Variants in EPHX2 observed in about 807,000 individuals in gnomAD.
The protein encoded by EPHX2 is bifunctional epoxide hydrolase 2.
A neutral mutation model predicts 78.7 loss-of-function variants in EPHX2; 74 were observed. The observed-to-expected ratio is 0.94, with a 90% CI of 0.78 to 1.14. The LOEUF (loss-of-function observed/expected upper bound fraction) is 1.14, where lower values mean the gene tolerates loss of function less well. Ranked by LOEUF, EPHX2 falls within the 50% of genes most tolerant of loss-of-function variation. EPHX2 has a pLI of 0.00. For missense variants in EPHX2, 715 were observed against 702.5 expected (o/e 1.02, Z -0.20); for synonymous variants, 251 against 255.2 (o/e 0.98, Z 0.16).
intron 2 of EPHX2, among the ~76,000 whole-genome samples, chr8:27,501,381 C>CT (rs1488695228): frequency 2.1e-4 from 24 of 113,276 alleles, no homozygotes; most frequent in African/African-American, 4.2e-4. Flanking sequence ...TCTTCTTCTT[C>CT]TTCTTCTTCT....
At position 27,491,186 on chromosome 8, in the gene EPHX2, T is replaced by G; in HGVS notation, c.-23T>G. On this transcript the variant is annotated 5_prime_UTR_variant, in exon 1 of 19. Transcript: ENST00000521400. The stretch of plus-strand genomic sequence containing the variant: ...CTCCCAGGTTAGCTGCGTGTCCGGG[T>G]GCTAGGCTGCAGACCCGCCGCCATG... The G allele has an allele frequency of 2.6e-6, 4 of 1,560,434 alleles. No individual in the cohort carries two copies. In the South Asian group the frequency reaches 3.5e-5, roughly 14 times the overall value.
intron 12 of EPHX2, among the ~76,000 whole-genome samples, chr8:27,531,628 C>T (rs1815044762): frequency 1.3e-5 from 2 of 152,222 alleles, no homozygotes; most frequent in African/African-American, 4.8e-5. Flanking sequence ...TTCACCTCCA[C>T]TCCTGGATGG....
intron 1 of EPHX2, among the ~76,000 whole-genome samples, chr8:27,497,152 C>T (rs1004952650): frequency 2.0e-5 from 3 of 152,106 alleles, no homozygotes; most frequent in Non-Finnish European, 4.4e-5. Flanking sequence ...ATTTCCTGGC[C>T]CTCAATGGTT....
chr8:27,543,966 A>ACTGTCCCC (rs1450520087), intron 17 of EPHX2, 137 bp downstream of exon 17: 17 of 1,004,288 alleles, frequency 1.7e-5, no homozygotes, highest in Non-Finnish European at 2.6e-5. Flanking sequence ...CAGTAACATC[A>ACTGTCCCC]CTGTCCCCCC....
chr8:27,544,138 C>A (rs1815505744), intron 17 of EPHX2, 48 bp from the exon 18 acceptor site: 2 of 1,605,652 alleles, frequency 1.2e-6, no homozygotes, highest in Non-Finnish European at 8.5e-7. Context: ...TAGAGACACA[C>A]CCATCTGCCT....
chr8:27,501,403 T>C (rs1411544945), intron 2 of EPHX2, among the ~76,000 whole-genome samples: 8,352 of 139,156 alleles, frequency 0.06, 470 homozygotes, highest in Non-Finnish European at 0.072. Context: ...CTTTCTTCTT[T>C]CTTCTTTCTT....
At position 27,541,518 on chromosome 8, in the gene EPHX2, G is replaced by T; in HGVS notation, c.1425G>T (p.Trp475Cys). The change falls in exon 16 of 19, where the codon TGG (tryptophan) becomes TGT (cysteine). Residue 475 changes from tryptophan (W) to cysteine (C), a missense_variant. Coordinates refer to ENST00000521400, the MANE Select transcript of EPHX2 (RefSeq NM_001979.6). ...WYRNMERNWK[W>C]ACKSLGRKIL... ...GAAACATGGAAAGGAACTGGAAGTG[G>T]GCTTGCAAAAGCTTGGGACGGAAGG... is the stretch of plus-strand genomic sequence containing the variant. The T allele has an allele frequency of 6.2e-7, 1 of 1,614,244 alleles. No individual in the cohort carries two copies. Among genetic ancestry groups the T allele is most frequent in the Non-Finnish European group, 8.5e-7 (1 of 1,180,040 alleles).
intron 2 of EPHX2, among the ~76,000 whole-genome samples, chr8:27,501,705 G>A (rs984959535): frequency 2.6e-5 from 4 of 152,026 alleles, no homozygotes; most frequent in Admixed American, 6.6e-5. Flanking sequence ...GAGCCACCAT[G>A]CCCAGCCTAT....
Position 27,525,428 on chromosome 8 carries a change from C to T in EPHX2, c.1125C>T (p.Ile375=), listed in dbSNP as rs144164948. 3 of 1,614,170 alleles carry T rather than the reference C, an allele frequency of 1.9e-6. No homozygotes were observed. The highest frequency in any genetic ancestry group is 2.5e-6 in the Non-Finnish European group (3 of 1,180,032). The change falls in exon 12 of 19, where the codon ATC becomes ATT. Residue 375 remains isoleucine, a synonymous_variant. Coordinates refer to ENST00000521400, the MANE Select transcript of EPHX2 (RefSeq NM_001979.6). ...ANPNMSPLES[I]KANPVFDYQL... is the part of the protein sequence containing the mutation. ...CCAACATGTCCCCTTTGGAGAGTAT[C>T]AAAGCCAACCCAGTATTTGATTACC...
chr8:27,495,070 T>G (rs1241119021), intron 1 of EPHX2, among the ~76,000 whole-genome samples: 2 of 152,270 alleles, frequency 1.3e-5, no homozygotes, highest in Non-Finnish European at 2.9e-5. Flanking sequence ...TTGATGGCTT[T>G]GGCAGTGTAA....
chr8:27,529,332 G>A (rs553519761), intron 12 of EPHX2, among the ~76,000 whole-genome samples: 77 of 152,326 alleles, frequency 5.1e-4, no homozygotes, highest in African/African-American at 1.8e-3. Flanking sequence ...CTCTGGCAGC[G>A]AAGGCCAGTG....
intron 10 of EPHX2, among the ~76,000 whole-genome samples, chr8:27,521,418 A>G (rs1251538523): frequency 1.3e-5 from 2 of 152,090 alleles, no homozygotes; most frequent in African/African-American, 4.8e-5. Context: ...CCCCCAAGTG[A>G]GGTCAGAGGG....
At chr8:27,532,229 C>T (rs1405448093) in intron 12 of EPHX2, among the ~76,000 whole-genome samples, 1 of 152,068 alleles carries the variant, frequency 6.6e-6, no homozygotes, top group Non-Finnish European at 1.5e-5. Flanking sequence ...GCCCCCACAT[C>T]AAGATACCCC....
intron 2 of EPHX2, among the ~76,000 whole-genome samples, chr8:27,502,807 T>C (rs970562357): frequency 1.3e-5 from 2 of 152,362 alleles, no homozygotes; most frequent in Non-Finnish European, 2.9e-5. Flanking sequence ...TCATTTTACC[T>C]TAAGTACCTC....
At chr8:27,534,351 C>G (rs1296676747) in intron 12 of EPHX2, among the ~76,000 whole-genome samples, 1 of 152,026 alleles carries the variant, frequency 6.6e-6, no homozygotes, top group Admixed American at 6.6e-5. Context: ...ATGAGCAGAA[C>G]AAAAAAGAGT....
rs1311702115 is a variant in EPHX2 at position 27,491,308 on chromosome 8, A to C, written c.100A>C (p.Arg34=). 6.6e-7 allele frequency: 1 copy of C among 1,520,632 alleles called. No homozygotes were observed. Among genetic ancestry groups the C allele is most frequent in the East Asian group, 2.6e-5 (1 of 38,382 alleles). 94.2% of individuals were successfully genotyped at this position (1,520,632 alleles called of 1,614,324 possible). A position where few individuals can be genotyped will look rare whatever the true frequency, so the allele number is the denominator to read the frequency against. The change falls in exon 1 of 19, where the codon AGA becomes CGA. Residue 34 remains arginine (R), a splice_region_variant and synonymous_variant. Transcript: ENST00000521400. ...GRTEEALALP[R]GLLNDAFQKG... is the part of the protein sequence containing the mutation. The stretch of plus-strand genomic sequence containing the variant: ...CACGGAGGAGGCCCTGGCGCTGCCC[A>C]GGTAAGGGGGCCCAGCGCCGCCGCC...
downstream of EPHX2, among the ~76,000 whole-genome samples, chr8:27,548,342 G>A (rs975642376): frequency 2.0e-5 from 3 of 152,190 alleles, no homozygotes; most frequent in African/African-American, 7.2e-5. Context: ...GAGGCTCAAA[G>A]GGTTTTTTTC....
intron 6 of EPHX2, among the ~76,000 whole-genome samples, chr8:27,513,262 C>A (rs370607515): frequency 7.2e-5 from 11 of 152,260 alleles, no homozygotes; most frequent in African/African-American, 2.4e-4. Context: ...CTGCTCAGCG[C>A]CACTGACATC....
intron 13 of EPHX2, among the ~76,000 whole-genome samples, chr8:27,537,096 C>G (rs1173533987): frequency 6.6e-6 from 1 of 152,178 alleles, no homozygotes; most frequent in African/African-American, 2.4e-5. Flanking sequence ...ACCATTTTAA[C>G]ATGCATAATT....
Sources: allele counts gnomAD v4.1 joint callset (sites outside exome capture counted in the v4.1 genomes callset), GRCh38; gene constraint gnomAD v4.1.1; transcripts MANE v1.5; gene names NCBI Gene and HGNC (gene_info 2026-07-23, HGNC 2026-07-21).